PPL: variants seen among roughly 807,000 people sequenced by gnomAD.
PPL encodes the protein 190 kDa paraneoplastic pemphigus antigen.
PPL carries 198 observed loss-of-function variants against 194.4 expected under a neutral mutation model. The observed-to-expected ratio is 1.02, with a 90% CI of 0.91 to 1.15. PPL has a LOEUF of 1.15. Among genes scored for constraint, PPL ranks in the 50% most tolerant of loss-of-function variants. The pLI is 0.00. For synonymous variants in PPL, 1,220 were observed against 972.4 expected, an observed-to-expected ratio of 1.25 and a Z score of -4.74; for missense variants, 2,885 against 2,294.8, an observed-to-expected ratio of 1.26 and a Z score of -5.25.
In PPL at chr16:4,895,693, A is replaced by G; in HGVS notation, c.996T>C (p.Ala332=). 1 of 1,613,938 alleles carries G rather than the reference A, an allele frequency of 6.2e-7. No homozygotes were observed. Among genetic ancestry groups the G allele is most frequent in the Non-Finnish European group, 8.5e-7 (1 of 1,180,026 alleles). Residue 332 remains alanine (A), a synonymous_variant, in exon 10 of 22, where the codon GCT becomes GCC. Transcript: ENST00000345988. ...YHQFHEDVKD[A]QELLRKVDSD... ...AGTCCACCTTGCGCAGCAGCTCCTGAGCGTCCTTCACGTCTTCGTGAAACT... is the reference window on the plus strand; with the variant it reads ...AGTCCACCTTGCGCAGCAGCTCCTGGGCGTCCTTCACGTCTTCGTGAAACT...
rs765132547 is a variant in PPL at position 4,885,865 on chromosome 16, T to C, written c.2790A>G (p.Glu930=). ...TGAGCACCTCCTTCCTCACCACCGA[T>C]TCCTGAGGCCCCTGATTCCTCAAGG... ...IWTLRNQGPQ[E]SVVRKEVLKK... The change falls in exon 22 of 22, where the codon GAA becomes GAG. Residue 930 remains glutamate (E), a synonymous_variant. Transcript: ENST00000345988. This position sits in a 1 kb window ranked among gnomAD's most constrained non-coding sequence, Gnocchi z 6.3. 1.9e-6 allele frequency: 3 copies of C among 1,608,578 alleles called. No homozygotes were observed. The highest frequency in any genetic ancestry group is 1.7e-6 in the Non-Finnish European group (2 of 1,179,988).
chr16:4,929,749 C>T (rs28645494), intron 1 of PPL, among the ~76,000 whole-genome samples: 30,403 of 151,998 alleles, frequency 0.2, 3,843 homozygotes, highest in African/African-American at 0.35. Flanking sequence ...TGCAGTGGCA[C>T]AATCACAGCT....
At chr16:4,926,191 T>C (rs1165757179) in intron 1 of PPL, among the ~76,000 whole-genome samples, 1 of 152,212 alleles carries the variant, frequency 6.6e-6, no homozygotes, top group African/African-American at 2.4e-5. Flanking sequence ...ATGAGGAAAC[T>C]GAGCCTCAGG....
In PPL at chr16:4,910,755, C is replaced by G. The variant is rs1029347903; in HGVS notation, c.162+95G>C. 1.3e-5 allele frequency: 15 copies of G among 1,125,476 alleles called. No individual in the cohort carries two copies. In the South Asian group the frequency reaches 1.4e-4, roughly 10 times the overall value. 69.7% of individuals were successfully genotyped at this position (1,125,476 alleles called of 1,614,324 possible). ...ATGTTCCCTCGGGGCCACAATCACC[C>G]CTGGGTGAGAATCACCGATTCCAAA... On this transcript the variant is annotated intron_variant, in intron 2 of 21. Transcript: ENST00000345988.
chr16:4,887,862 C>G (rs148424457), intron 20 of PPL, among the ~76,000 whole-genome samples: 2 of 152,306 alleles, frequency 1.3e-5, no homozygotes, highest in African/African-American at 4.8e-5. Flanking sequence ...TCCCAAAGTG[C>G]TAGGATTACA....
Position 4,888,970 on chromosome 16 carries a change from C to T in PPL, c.2397+8G>A, listed in dbSNP as rs374566715. ...GTTTGTGCTTTGGGCGGAAGTTTCC[C>T]GGCTCACCTTTACAGCTTGCTGGTA... is the stretch of plus-strand genomic sequence containing the variant. On this transcript the variant is annotated splice_region_variant and intron_variant, in intron 19 of 21. Coordinates refer to ENST00000345988, the MANE Select transcript of PPL (RefSeq NM_002705.5). The T allele has an allele frequency of 3.8e-5, 62 of 1,612,502 alleles. No homozygotes were observed. The highest frequency in any genetic ancestry group is 3.5e-4 in the South Asian group (32 of 91,008).
intron 1 of PPL, among the ~76,000 whole-genome samples, chr16:4,915,083 G>T (rs1028323329): frequency 9.9e-5 from 15 of 152,208 alleles, no homozygotes; most frequent in Admixed American, 2.0e-4. Context: ...CCCACCTCAG[G>T]CACAGGGCCA....
Position 4,921,682 on chromosome 16 carries a change from G to A in PPL, c.63-10733C>T, listed in dbSNP as rs145505153. Among the ~76,000 whole-genome samples the A allele has an allele frequency of 1.3e-3, 194 of 152,222 alleles. 1 individual carries two copies. In the East Asian group the frequency reaches 0.034, roughly 27 times the overall value. On this transcript the variant is annotated intron_variant, in intron 1 of 21. Transcript: ENST00000345988. The stretch of plus-strand genomic sequence containing the variant: ...GGGTTTCACCGTGTTGGCCAGGCTG[G>A]TCTCGAACTCCTGGCCTCAAGTGAT...
chr16:4,888,346 G>C (rs1179612301), intron 19 of PPL, 128 bp from the exon 20 acceptor site: 1 of 666,756 alleles, frequency 1.5e-6, no homozygotes, highest in Non-Finnish European at 2.7e-6. Context: ...ATCTGCGTGG[G>C]TCTTCCTCAC....
At position 4,910,908 on chromosome 16, in the gene PPL, T is replaced by A; in HGVS notation, c.104A>T (p.Gln35Leu). The change falls in exon 2 of 22, where the codon CAG becomes CTG. Residue 35 changes from glutamine (Q) to leucine (L), a missense_variant. Gln to Leu is a moderately radical substitution (Grantham distance 113). Coordinates refer to ENST00000345988, the MANE Select transcript of PPL (RefSeq NM_002705.5). ...KELSELIEQLQKNADQVEKNI... is the reference protein window; with the variant it reads ...KELSELIEQLLKNADQVEKNI... ...CTTCTCCACCTGGTCGGCATTCTTC[T>A]GCAGCTGCTCGATCAGCTCCGAGAG... The A allele has an allele frequency of 6.2e-7, 1 of 1,613,784 alleles. No individual in the cohort carries two copies. Among genetic ancestry groups the A allele is most frequent in the South Asian group, 1.1e-5 (1 of 91,092 alleles).
intron 1 of PPL, among the ~76,000 whole-genome samples, chr16:4,911,757 C>G (rs925296981): frequency 2.0e-5 from 3 of 151,712 alleles, no homozygotes; most frequent in Non-Finnish European, 4.4e-5. Context: ...AGGCTGGTCT[C>G]GAACTCCTGA....
chr16:4,884,365 C>A lies in PPL; in HGVS notation c.4290G>T (p.Leu1430=). The A allele has an allele frequency of 6.2e-7, 1 of 1,611,986 alleles. No homozygotes were observed. Among genetic ancestry groups the A allele is most frequent in the Non-Finnish European group, 8.5e-7 (1 of 1,179,606 alleles). ...CACGGGCCTCAGCTTCTTCCTGCTC[C>A]AGCGCTGCCAGCCGCTGCTGCAACC... ...VQRLQQRLAA[L]EQEEAEAREK... Residue 1430 remains leucine, a synonymous_variant, in exon 22 of 22, where the codon CTG becomes CTT. Coordinates refer to ENST00000345988, the MANE Select transcript of PPL (RefSeq NM_002705.5). The surrounding 1 kb of genome is among the most constrained non-coding windows in gnomAD (Gnocchi z 5.7).
In PPL at chr16:4,931,907, C is replaced by A. The variant is rs1328278408; in HGVS notation, c.62+5077G>T. ...CTGTCCTGAATCGAATTTATCCAGT[C>A]TCATTCCTTCTTCCAAGAGAACTGG... On this transcript the variant is annotated intron_variant, in intron 1 of 21. Transcript: ENST00000345988. Among the ~76,000 whole-genome samples, 6 of 152,338 alleles carry A rather than the reference C, an allele frequency of 3.9e-5. No homozygotes were observed. In the East Asian group the frequency reaches 1.2e-3, roughly 29 times the overall value.
chr16:4,908,001 T>A (rs2088730892), intron 2 of PPL, among the ~76,000 whole-genome samples: 1 of 149,052 alleles, frequency 6.7e-6, no homozygotes. Flanking sequence ...TGAAAATAAA[T>A]AAATAAATAA....
intron 1 of PPL, among the ~76,000 whole-genome samples, chr16:4,912,131 C>T (rs8063065): frequency 0.77 from 116,608 of 152,146 alleles, 44,880 homozygotes; most frequent in East Asian, 0.94. Flanking sequence ...CATTCAGAAT[C>T]GTGCAACCAT....
chr16:4,885,991 T>C lies in PPL; in HGVS notation c.2664A>G (p.Gly888=), dbSNP rs373094621. ...ETLQRNRPDS[G]VEEAWKIRKE... Reference sequence around the variant, plus strand: ...TCCTGATCTTCCACGCCTCCTCCACTCCAGAGTCCGGCCTATTCCTTTGCA... The same window carrying C: ...TCCTGATCTTCCACGCCTCCTCCACCCCAGAGTCCGGCCTATTCCTTTGCA... The change falls in exon 22 of 22, where the codon GGA becomes GGG. Residue 888 remains glycine (G), a synonymous_variant. Coordinates refer to ENST00000345988, the MANE Select transcript of PPL (RefSeq NM_002705.5). The surrounding 1 kb of genome is among the most constrained non-coding windows in gnomAD (Gnocchi z 6.3). 19 of 1,613,852 alleles carry C rather than the reference T, an allele frequency of 1.2e-5. No individual in the cohort carries two copies. The highest frequency in any genetic ancestry group is 1.5e-5 in the Non-Finnish European group (18 of 1,180,026).
rs141378429 is a variant in PPL, at chr16:4,890,240, C to T, written c.2257G>A (p.Glu753Lys). The T allele has an allele frequency of 6.2e-6, 10 of 1,614,024 alleles. No individual in the cohort carries two copies. Among genetic ancestry groups the T allele is most frequent in the Middle Eastern group, 1.6e-4 (1 of 6,078 alleles). The change falls in exon 18 of 22, where the codon GAG (glutamate) becomes AAG (lysine). Residue 753 changes from glutamate (E) to lysine (K), a missense_variant. By Grantham distance (56) the Glu-to-Lys change is moderately conservative. Coordinates refer to ENST00000345988, the MANE Select transcript of PPL (RefSeq NM_002705.5). ...CTGAGGCTGTCTGTCTCCTGGGGCT[C>T]GTAACTGGGGATGCTGACTAGGAAC... ...LQFLVSIPSYEPQETDSLSQM... is the reference protein window; with the variant it reads ...LQFLVSIPSYKPQETDSLSQM...
At chr16:4,924,070 A>G (rs2089107819) in intron 1 of PPL, among the ~76,000 whole-genome samples, 1 of 152,196 alleles carries the variant, frequency 6.6e-6, no homozygotes, top group Non-Finnish European at 1.5e-5. Flanking sequence ...CAGCTGGAAA[A>G]CATTCCCACA....
At chr16:4,919,554 A>G (rs952524624) in intron 1 of PPL, among the ~76,000 whole-genome samples, 10 of 152,152 alleles carry the variant, frequency 6.6e-5, no homozygotes, top group African/African-American at 2.4e-4. Flanking sequence ...ATGAGCCACA[A>G]TATGCCTGGC....
Sources: allele counts gnomAD v4.1 joint callset (sites outside exome capture counted in the v4.1 genomes callset), GRCh38; gene constraint gnomAD v4.1.1; non-coding constraint Gnocchi (gnomAD v3.1); transcripts MANE v1.5; gene names NCBI Gene and HGNC (gene_info 2026-07-23, HGNC 2026-07-21).